SMN2: variants seen among roughly 807,000 people sequenced by gnomAD.
The protein encoded by SMN2 is survival motor neuron protein.
A neutral mutation model predicts 2.8 loss-of-function variants in SMN2; 1 was observed. The ratio of observed to expected loss-of-function variants is 0.35; its 90% CI spans 0.13 to 1.68. The LOEUF (loss-of-function observed/expected upper bound fraction) is 1.68, where lower values mean the gene tolerates loss of function less well. SMN2 is among the 40% of genes most tolerant of loss of function. The pLI is 0.35. For missense variants in SMN2, 12 were observed against 16.9 expected, an observed-to-expected ratio of 0.71 and a Z score of 0.51; for synonymous variants, 5 against 5.0, an observed-to-expected ratio of 0.99 and a Z score of 0.01.
chr5:70,071,199 TCTC>T (rs1774584388), intron 7 of SMN2: 3 of 290,178 alleles, frequency 1.0e-5, no homozygotes, highest in Non-Finnish European at 2.1e-5. Flanking sequence ...TTCACGCCAT[TCTC>T]CTGCCTCAGC....
At chr5:70,079,193 G>A (rs1474382293), downstream of SMN2, among the ~76,000 whole-genome samples, 25 of 139,004 alleles carry the variant, frequency 1.8e-4, 1 homozygote, top group African/African-American at 6.6e-4. Context: ...AGCACTTTGG[G>A]AGGCCGAGGC....
the SMN2 span, among the ~76,000 whole-genome samples, chr5:70,083,584 A>T: frequency 2.2e-5 from 3 of 137,100 alleles, 1 homozygote; most frequent in Non-Finnish European, 4.6e-5. Flanking sequence ...TGGATTAAGA[A>T]AATATGGCAC....
the SMN2 span, among the ~76,000 whole-genome samples, chr5:70,084,343 T>G: frequency 1.1e-5 from 1 of 91,496 alleles, no homozygotes; most frequent in Non-Finnish European, 2.0e-5. Context: ...CACGCCACCA[T>G]GCCCGGCTAA....
At chr5:70,075,098 G>A (rs1358603684) in intron 7 of SMN2, among the ~76,000 whole-genome samples, 6 of 117,644 alleles carry the variant, frequency 5.1e-5, no homozygotes, top group East Asian at 4.7e-4. Context: ...GTGCAATCTC[G>A]GCTCACTGCA....
At chr5:70,052,590 C>T (rs1202072552) in intron 1 of SMN2, among the ~76,000 whole-genome samples, 2 of 28,316 alleles carry the variant, frequency 7.1e-5, no homozygotes, top group African/African-American at 2.3e-4. Flanking sequence ...GGCGTGGTGG[C>T]GCGTGCCTAT....
chr5:70,084,446 C>T, the SMN2 span, among the ~76,000 whole-genome samples: 1 of 132,432 alleles, frequency 7.6e-6, no homozygotes, highest in Non-Finnish European at 1.6e-5. Context: ...CTTGGCCTCC[C>T]AAAGTGCTGG....
At chr5:70,085,405 C>A in the SMN2 span, among the ~76,000 whole-genome samples, 1 of 134,338 alleles carries the variant, frequency 7.4e-6, no homozygotes, top group Non-Finnish European at 1.5e-5. Context: ...CTGCACCCAG[C>A]GTAATTTTTG....
chr5:70,082,384 A>C (rs1360791335), downstream of SMN2, among the ~76,000 whole-genome samples: 4 of 131,194 alleles, frequency 3.0e-5, no homozygotes, highest in Non-Finnish European at 6.2e-5. Flanking sequence ...TCATAAAATG[A>C]GTTAGGGAGG....
the SMN2 span, among the ~76,000 whole-genome samples, chr5:70,085,702 A>T: frequency 8.2e-5 from 2 of 24,320 alleles, no homozygotes; most frequent in Admixed American, 4.7e-4. Flanking sequence ...TGTTTGTGGC[A>T]ACTTCATAGA....
At position 70,077,129 on chromosome 5, in the gene SMN2, AGTGTTGGG is replaced by A; in HGVS notation, c.*115_*122del. 3.9e-6 allele frequency: 1 copy of A among 256,832 alleles called. No individual in the cohort carries two copies. The highest frequency in any genetic ancestry group is 6.6e-6 in the Non-Finnish European group (1 of 151,620). The allele number at this position is 256,832 out of a possible 1,614,324, so 15.9% of individuals were successfully genotyped here. A position where few individuals can be genotyped will look rare whatever the true frequency, so the allele number is the denominator to read the frequency against. On this transcript the variant is annotated 3_prime_UTR_variant, in exon 9 of 9. Transcript: ENST00000380743. ...CTGGCCTCATTTCTTCAAAATATCA[AGTGTTGGG>A]AAAGAAAAAAGGAAGTGGAATGGGT...
chr5:70,079,431 CAAAAA>C (rs58866189), downstream of SMN2, among the ~76,000 whole-genome samples: 5 of 103,870 alleles, frequency 4.8e-5, no homozygotes, highest in East Asian at 2.9e-4. Flanking sequence ...GACTCCGTCT[CAAAAA>C]AAAAAAAAAA....
At chr5:70,052,434 G>A (rs1214092693) in intron 1 of SMN2, among the ~76,000 whole-genome samples, 1 of 34,858 alleles carries the variant, frequency 2.9e-5, no homozygotes, top group African/African-American at 8.6e-5. Context: ...CCAGCTACTC[G>A]GGAGGCTGAG....
intron 7 of SMN2, among the ~76,000 whole-genome samples, chr5:70,072,555 GA>G (rs1318059217): frequency 2.0e-4 from 1 of 4,914 alleles, no homozygotes; most frequent in African/African-American, 8.1e-4. Flanking sequence ...TTTGCGGAGG[GA>G]AAAAAAAGTC....
the SMN2 span, among the ~76,000 whole-genome samples, chr5:70,084,846 G>C: frequency 1.5e-5 from 2 of 134,862 alleles, no homozygotes; most frequent in African/African-American, 6.3e-5. Flanking sequence ...GCACCTACTT[G>C]CTAAAATTTA....
At chr5:70,070,107 C>G (rs1238089980) in intron 6 of SMN2, among the ~76,000 whole-genome samples, 2 of 123,656 alleles carry the variant, frequency 1.6e-5, no homozygotes. Flanking sequence ...GTGTTCTACC[C>G]AAGACATTTA....
chr5:70,070,072 G>A (rs1272491027), intron 6 of SMN2, among the ~76,000 whole-genome samples: 1 of 109,430 alleles, frequency 9.1e-6, no homozygotes, highest in East Asian at 2.8e-4. Context: ...TTGGCATACT[G>A]TGTATTGGGA....
At position 70,076,643 on chromosome 5, in the gene SMN2, G is replaced by A; in HGVS notation, c.*3+69G>A. 2 of 1,416,648 alleles carry A rather than the reference G, an allele frequency of 1.4e-6. 1 individual carries two copies. Among genetic ancestry groups the A allele is most frequent in the Non-Finnish European group, 1.9e-6 (2 of 1,044,446 alleles). The allele number at this position is 1,416,648 out of a possible 1,614,324, so 87.8% of individuals were successfully genotyped here. ...ACTTTATGGTTTGTGGAAAACAAAT[G>A]TTTTTGAACATTTAAAAAGTTCAGA... On this transcript the variant is annotated intron_variant, in intron 8 of 8. Coordinates refer to ENST00000380743, the MANE Select transcript of SMN2 (RefSeq NM_017411.4).
chr5:70,081,886 C>A (rs1041141218), downstream of SMN2, among the ~76,000 whole-genome samples: 1 of 68,258 alleles, frequency 1.5e-5, no homozygotes, highest in African/African-American at 8.6e-5. Context: ...CTGGCCAGAA[C>A]TTCCAACACT....
chr5:70,075,579 C>G (rs1000307524), intron 7 of SMN2, among the ~76,000 whole-genome samples: 1 of 121,106 alleles, frequency 8.3e-6, no homozygotes, highest in Non-Finnish European at 1.8e-5. Flanking sequence ...CAAATCCGAC[C>G]TCAGGTGATC....
Sources: allele counts gnomAD v4.1 joint callset (sites outside exome capture counted in the v4.1 genomes callset), GRCh38; gene constraint gnomAD v4.1.1; transcripts MANE v1.5; gene names NCBI Gene and HGNC (gene_info 2026-07-23, HGNC 2026-07-21).